Variants in ZNF831 observed in about 807,000 individuals in gnomAD.
ZNF831 encodes the protein zinc finger protein 831.
ZNF831 carries 59 observed loss-of-function variants against 95.8 expected under a neutral mutation model. The ratio of observed to expected loss-of-function variants is 0.62; its 90% CI spans 0.50 to 0.77. ZNF831 has a LOEUF of 0.77. Among genes scored for constraint, ZNF831 ranks in the 30% least tolerant of loss-of-function variants. ZNF831 has a pLI of 0.00. For synonymous variants in ZNF831, 961 were observed against 925.5 expected (o/e 1.04, Z -0.70); for missense variants, 2,205 against 2,164.0 (o/e 1.02, Z -0.38).
rs2146574999 is a variant in ZNF831, at chr20:59,192,969, G to A, written c.1950G>A (p.Met650Ile). ...HGGKKAREVGMGSGAELGFPL... is the reference protein window; with the variant it reads ...HGGKKAREVGIGSGAELGFPL... ...GCAAGAAAGCCAGGGAGGTGGGAAT[G>A]GGCAGTGGGGCAGAACTGGGCTTTC... Residue 650 changes from methionine to isoleucine, a missense_variant, in exon 2 of 6, where the codon ATG (methionine) becomes ATA (isoleucine). Physicochemically the swap from Met to Ile is conservative, Grantham distance 10. Coordinates refer to ENST00000371030, the MANE Select transcript of ZNF831 (RefSeq NM_178457.3). The surrounding 1 kb of genome is among the most constrained non-coding windows in gnomAD (Gnocchi z 5.2). 6.3e-7 allele frequency: 1 copy of A among 1,593,074 alleles called. No homozygotes were observed. The highest frequency in any genetic ancestry group is 1.2e-5 in the South Asian group (1 of 86,194).
chr20:59,238,212 G>A (rs1987113018), intron 4 of ZNF831, among the ~76,000 whole-genome samples: 1 of 152,000 alleles, frequency 6.6e-6, no homozygotes, highest in Admixed American at 6.6e-5. Flanking sequence ...GATCAGTTTG[G>A]GCATTCCTGT....
chr20:59,238,980 G>A (rs927962899), intron 4 of ZNF831, among the ~76,000 whole-genome samples: 3 of 152,210 alleles, frequency 2.0e-5, no homozygotes, highest in African/African-American at 7.2e-5. Context: ...TGGAATATTG[G>A]AGGTAAAATG....
chr20:59,132,289 C>CT (rs11477187), intron 1 of ZNF831, among the ~76,000 whole-genome samples: 2,342 of 116,512 alleles, frequency 0.02, 75 homozygotes, highest in African/African-American at 0.062. Flanking sequence ...AGGTTTAACT[C>CT]TTTTTTTTTT....
intron 4 of ZNF831, among the ~76,000 whole-genome samples, chr20:59,227,965 C>T (rs186183098): frequency 3.7e-4 from 56 of 152,264 alleles, no homozygotes; most frequent in African/African-American, 1.3e-3. Context: ...AAACACTGGG[C>T]TTTCCATTTC....
At chr20:59,231,886 A>AT (rs1986744054) in intron 4 of ZNF831, among the ~76,000 whole-genome samples, 1 of 152,190 alleles carries the variant, frequency 6.6e-6, no homozygotes. Flanking sequence ...CTCAAATTAT[A>AT]TGGTGAGCTA....
rs1491469214 is a variant in ZNF831 at position 59,232,994 on chromosome 20, G to GCGCACA, written c.4028-19983_4028-19982insGCACAC. 2.5e-3 allele frequency among the ~76,000 whole-genome samples: 305 copies of GCGCACA among 123,078 alleles called. 2 individuals carry two copies. The highest frequency in any genetic ancestry group is 8.3e-3 in the African/African-American group (267 of 32,236). The allele number at this position is 123,078 out of a possible 152,430, so 80.7% of individuals were successfully genotyped here. On this transcript the variant is annotated intron_variant, in intron 4 of 5. Transcript: ENST00000371030. The stretch of plus-strand genomic sequence containing the variant: ...TCATTTTATAGGTGAGGACCCTGAG[G>GCGCACA]CACACACACACACACACACACACAC...
chr20:59,252,059 C>T (rs1226502404), intron 4 of ZNF831, among the ~76,000 whole-genome samples: 1 of 152,168 alleles, frequency 6.6e-6, no homozygotes, highest in African/African-American at 2.4e-5. Flanking sequence ...ACCCTCCTCT[C>T]TCCCCATGAG....
At position 59,191,691 on chromosome 20, in the gene ZNF831, C is replaced by T. The variant is rs2146551869; in HGVS notation, c.672C>T (p.Pro224=). The stretch of plus-strand genomic sequence containing the variant: ...AAGGGGACAAGGCCGGAGAGCCCCC[C>T]AGACCAGAGGGCAGGGGCGAGAGCA... ...LEEGDKAGEP[P]RPEGRGESRC... The change falls in exon 2 of 6, where the codon CCC becomes CCT. Residue 224 remains proline, a synonymous_variant. Transcript: ENST00000371030. 2.6e-6 allele frequency: 4 copies of T among 1,562,826 alleles called. No homozygotes were observed. The highest frequency in any genetic ancestry group is 3.5e-6 in the Non-Finnish European group (4 of 1,154,000).
chr20:59,194,079 A>G lies in ZNF831; in HGVS notation c.3060A>G (p.Ala1020=), dbSNP rs267606023. The change falls in exon 2 of 6, where the codon GCA becomes GCG. Residue 1020 remains alanine, a synonymous_variant. Coordinates refer to ENST00000371030, the MANE Select transcript of ZNF831 (RefSeq NM_178457.3). ...GGCCACAGGATGGGAGAAAAGGGGC[A>G]CAGTTGGGGGGGGACAAGGGGGACA... The part of the protein sequence containing the change: ...CSRPQDGRKG[A]QLGGDKGDRM... 6.5e-7 allele frequency: 1 copy of G among 1,533,200 alleles called. No homozygotes were observed. Among genetic ancestry groups the G allele is most frequent in the South Asian group, 1.3e-5 (1 of 77,958 alleles). 95.0% of individuals were successfully genotyped at this position (1,533,200 alleles called of 1,614,324 possible).
At chr20:59,218,719 G>C (rs1312738914) in intron 4 of ZNF831, among the ~76,000 whole-genome samples, 1 of 151,972 alleles carries the variant, frequency 6.6e-6, no homozygotes, top group African/African-American at 2.4e-5. Flanking sequence ...TCCTGCACCT[G>C]TCCATGTACT....
intron 2 of ZNF831, among the ~76,000 whole-genome samples, chr20:59,158,643 C>T (rs1269896485): frequency 6.6e-6 from 1 of 152,242 alleles, no homozygotes; most frequent in Non-Finnish European, 1.5e-5. Flanking sequence ...CCATTCAGAC[C>T]TGCAGTCAGC....
chr20:59,161,160 T>C (rs2146472322), upstream of ZNF831, among the ~76,000 whole-genome samples: 1 of 152,334 alleles, frequency 6.6e-6, no homozygotes, highest in Middle Eastern at 3.4e-3. Context: ...AAGTGTCGGA[T>C]TCAGTGGCTT....
Position 59,193,654 on chromosome 20 carries a change from C to A in ZNF831, c.2635C>A (p.Pro879Thr), listed in dbSNP as rs1437371040. Residue 879 changes from proline to threonine, a missense_variant, in exon 2 of 6, where the codon CCT becomes ACT. Coordinates refer to ENST00000371030, the MANE Select transcript of ZNF831 (RefSeq NM_178457.3). The stretch of plus-strand genomic sequence containing the variant: ...GGAGAGTGCCAGGCAGGTGGGCGAG[C>A]CTCTGGAGTCCTCTGGAGCCTCCTT... ...SKESARQVGEPLESSGASLAA... is the reference protein window; with the variant it reads ...SKESARQVGETLESSGASLAA... 1 of 1,612,946 alleles carries A rather than the reference C, an allele frequency of 6.2e-7. No individual in the cohort carries two copies. Among genetic ancestry groups the A allele is most frequent in the South Asian group, 1.1e-5 (1 of 91,082 alleles).
rs765822206 is a variant in ZNF831, at chr20:59,191,758, T to C, written c.739T>C (p.Ser247Pro). The change falls in exon 2 of 6, where the codon TCT becomes CCT. Residue 247 changes from serine (S) to proline (P), a missense_variant. Coordinates refer to ENST00000371030, the MANE Select transcript of ZNF831 (RefSeq NM_178457.3). ...CGAAGGCGCCTCGGAGAGACCCCTTTCTCCGGGTGCCCACGTGCCCCTACT... is the reference window on the plus strand; with the variant it reads ...CGAAGGCGCCTCGGAGAGACCCCTTCCTCCGGGTGCCCACGTGCCCCTACT... ...MHEGASERPL[S>P]PGAHVPLLAK... 11 of 1,607,896 alleles carry C rather than the reference T, an allele frequency of 6.8e-6. No homozygotes were observed. Among genetic ancestry groups the C allele is most frequent in the Non-Finnish European group, 9.3e-6 (11 of 1,176,824 alleles).
At chr20:59,232,264 T>C (rs1253281283) in intron 4 of ZNF831, among the ~76,000 whole-genome samples, 2 of 133,320 alleles carry the variant, frequency 1.5e-5, no homozygotes, top group Admixed American at 7.2e-5. Context: ...ACTACCTTTT[T>C]AAAGAAGAAA....
At chr20:59,237,250 G>T (rs1291857448) in intron 4 of ZNF831, among the ~76,000 whole-genome samples, 1 of 152,176 alleles carries the variant, frequency 6.6e-6, no homozygotes, top group Non-Finnish European at 1.5e-5. Context: ...TTTTTAGAAG[G>T]TTATTTTTCA....
At chr20:59,248,892 G>A (rs1987748142) in intron 4 of ZNF831, among the ~76,000 whole-genome samples, 1 of 152,012 alleles carries the variant, frequency 6.6e-6, no homozygotes, top group African/African-American at 2.4e-5. Flanking sequence ...TAGTAAGCTT[G>A]TAACTGTTTT....
At chr20:59,175,506 CT>C (rs1170180041) in intron 1 of ZNF831, among the ~76,000 whole-genome samples, 3 of 151,838 alleles carry the variant, frequency 2.0e-5, no homozygotes, top group Admixed American at 1.3e-4. Context: ...TTCACCGATT[CT>C]TTTTTTCTGT....
At position 59,208,671 on chromosome 20, in the gene ZNF831, G is replaced by A. The variant is rs1245354883; in HGVS notation, c.4027+1615G>A. Reference sequence around the variant, plus strand: ...AGCCTCGGGGGTCATGGTACTTGCTGGCTGACTCCTCGTTCCCTGTTCCCA... The same window carrying A: ...AGCCTCGGGGGTCATGGTACTTGCTAGCTGACTCCTCGTTCCCTGTTCCCA... On this transcript the variant is annotated intron_variant, in intron 4 of 5. Transcript: ENST00000371030. This position sits in a 1 kb window ranked among gnomAD's most constrained non-coding sequence, Gnocchi z 4.2. Among the ~76,000 whole-genome samples the A allele has an allele frequency of 6.6e-6, 1 of 152,140 alleles. No homozygotes were observed. Among genetic ancestry groups the A allele is most frequent in the Non-Finnish European group, 1.5e-5 (1 of 68,030 alleles).
Sources: gnomAD v4.1 joint callset for allele counts (sites outside exome capture counted in the v4.1 genomes callset) on GRCh38, gnomAD v4.1.1 for gene constraint, Gnocchi (gnomAD v3.1) non-coding constraint, MANE v1.5 for transcripts, NCBI Gene and HGNC (gene_info 2026-07-23, HGNC 2026-07-21) for gene names.